The following IL1RAPL1 variants were observed in gnomAD, a reference collection of about 807,000 sequenced individuals.
The protein encoded by IL1RAPL1 is interleukin-1 receptor accessory protein-like 1.
IL1RAPL1 carries 3 observed loss-of-function variants against 48.4 expected under a neutral mutation model. That is an observed-to-expected ratio of 0.06 (90% CI 0.03 to 0.16). IL1RAPL1 has a LOEUF of 0.16. Among genes scored for constraint, IL1RAPL1 ranks in the 10% least tolerant of loss-of-function variants. The pLI is 1.00. For missense variants in IL1RAPL1, 349 were observed against 530.6 expected (o/e 0.66, Z 3.36); for synonymous variants, 185 against 187.7 (o/e 0.99, Z 0.12).
rs747845643 is a variant in IL1RAPL1 at position 29,479,017 on chromosome X, C to A, written c.703+79709C>A. 2.9e-3 allele frequency among the ~76,000 whole-genome samples: 313 copies of A among 109,532 alleles called. 2 individuals carry two copies. Among genetic ancestry groups the A allele is most frequent in the African/African-American group, 0.01 (300 of 29,315 alleles). Reference sequence around the variant, plus strand: ...TAAACTCCTTCATTGACTATAATATCTGAAAGCAGAAGTTTTTTTTTTTCT... The same window carrying A: ...TAAACTCCTTCATTGACTATAATATATGAAAGCAGAAGTTTTTTTTTTTCT... On this transcript the variant is annotated intron_variant, in intron 5 of 10. Transcript: ENST00000378993.
At chrX:29,239,637 C>T (rs966219896) in intron 2 of IL1RAPL1, among the ~76,000 whole-genome samples, 5 of 111,899 alleles carry the variant, frequency 4.5e-5, no homozygotes, top group East Asian at 5.6e-4. Flanking sequence ...ACGTGGCCTG[C>T]GGGCTGCATG....
At chrX:29,119,734 T>C (rs1270047972) in intron 2 of IL1RAPL1, among the ~76,000 whole-genome samples, 1 of 111,197 alleles carries the variant, frequency 9.0e-6, no homozygotes, top group East Asian at 2.8e-4. Flanking sequence ...GCTGATGCTT[T>C]TGTGAGTTTT....
intron 3 of IL1RAPL1, among the ~76,000 whole-genome samples, chrX:29,289,453 A>G (rs1188075775): frequency 8.9e-6 from 1 of 112,105 alleles, no homozygotes; most frequent in Non-Finnish European, 1.9e-5. Flanking sequence ...TGCCAATACC[A>G]AACTGTATTG....
chrX:28,600,597 T>C (rs191175421), intron 1 of IL1RAPL1, among the ~76,000 whole-genome samples: 9 of 110,917 alleles, frequency 8.1e-5, no homozygotes, highest in Middle Eastern at 9.3e-3. Context: ...TTGTTTGGGT[T>C]GTACAGGACC....
chrX:28,752,838 C>CTG (rs1936059248), intron 1 of IL1RAPL1, among the ~76,000 whole-genome samples: 1 of 23,672 alleles, frequency 4.2e-5, no homozygotes. Context: ...TTCAGGCATA[C>CTG]TCTCTATTTT....
At chrX:28,971,466 T>C (rs1925069227) in intron 2 of IL1RAPL1, among the ~76,000 whole-genome samples, 1 of 111,929 alleles carries the variant, frequency 8.9e-6, no homozygotes, top group Non-Finnish European at 1.9e-5. Context: ...TAGCAGATAA[T>C]CTATAAATCC....
In IL1RAPL1 at chrX:29,956,668, T is replaced by C. The variant is rs1933428173; in HGVS notation, c.*848T>C. 1.1e-5 allele frequency: 1 copy of C among 92,032 alleles called. No individual in the cohort carries two copies. The highest frequency in any genetic ancestry group is 2.1e-5 in the Non-Finnish European group (1 of 47,625). 7.6% of individuals were successfully genotyped at this position (92,032 alleles called of 1,213,427 possible). On this transcript the variant is annotated 3_prime_UTR_variant, in exon 11 of 11. Coordinates refer to ENST00000378993, the MANE Select transcript of IL1RAPL1 (RefSeq NM_014271.4). ...TGATGTACCCTTATATATATATACA[T>C]ATATATATAAATATAAATATATATA...
chrX:29,230,609 A>C (rs1270155190), intron 2 of IL1RAPL1, among the ~76,000 whole-genome samples: 1 of 103,004 alleles, frequency 9.7e-6, no homozygotes, highest in Admixed American at 1.1e-4. Flanking sequence ...ACAATCGTTT[A>C]TACTACTGAA....
At chrX:29,651,194 C>T (rs192896359) in intron 5 of IL1RAPL1, among the ~76,000 whole-genome samples, 2 of 110,221 alleles carry the variant, frequency 1.8e-5, no homozygotes, top group Non-Finnish European at 3.8e-5. Flanking sequence ...TTAGTGCAGC[C>T]ATTATGGAGA....
chrX:29,811,177 G>T (rs762916895), intron 6 of IL1RAPL1, among the ~76,000 whole-genome samples: 25 of 110,942 alleles, frequency 2.3e-4, no homozygotes, highest in Non-Finnish European at 3.8e-4. Flanking sequence ...TGGGGTAAGA[G>T]GAACAGAGAG....
rs144865692 is a variant in IL1RAPL1, at chrX:29,073,407, C to G, written c.83-209531C>G. ...GGCTATTTTGCATCCTGTTGCCAGA[C>G]TATTCTTCAGCTCTCTCGCTTTGAT... is the stretch of plus-strand genomic sequence containing the variant. On this transcript the variant is annotated intron_variant, in intron 2 of 10. Coordinates refer to ENST00000378993, the MANE Select transcript of IL1RAPL1 (RefSeq NM_014271.4). Among the ~76,000 whole-genome samples the G allele has an allele frequency of 4.1e-3, 457 of 111,670 alleles. 3 individuals are homozygous for G. Among genetic ancestry groups the G allele is most frequent in the Middle Eastern group, 0.014 (3 of 214 alleles).
intron 1 of IL1RAPL1, among the ~76,000 whole-genome samples, chrX:28,668,281 C>T (rs750669508): frequency 1.3e-3 from 146 of 110,866 alleles, no homozygotes; most frequent in Admixed American, 2.6e-3. Context: ...TTTTTTGAGA[C>T]GGAGTCTCAC....
chrX:29,588,334 C>G (rs12013897), intron 5 of IL1RAPL1, among the ~76,000 whole-genome samples: 24,842 of 111,461 alleles, frequency 0.22, 4,835 homozygotes, highest in African/African-American at 0.64. Context: ...GAATAAGTCA[C>G]AATTATAATG....
intron 2 of IL1RAPL1, among the ~76,000 whole-genome samples, chrX:29,273,455 G>A (rs1220788814): frequency 2.7e-5 from 3 of 111,425 alleles, no homozygotes; most frequent in African/African-American, 9.8e-5. Context: ...GACTTTTACC[G>A]GGCCCCTGCC....
chrX:29,440,322 C>G (rs780116474), intron 5 of IL1RAPL1, among the ~76,000 whole-genome samples: 1 of 111,227 alleles, frequency 9.0e-6, no homozygotes, highest in Non-Finnish European at 1.9e-5. Context: ...ACCATCCTTA[C>G]CTGCATGGAA....
chrX:29,120,734 ATTCT>A (rs1928767183), intron 2 of IL1RAPL1, among the ~76,000 whole-genome samples: 1 of 111,554 alleles, frequency 9.0e-6, no homozygotes, highest in Non-Finnish European at 1.9e-5. Context: ...TTCTTAACTC[ATTCT>A]ATGAGGCCAA....
At chrX:28,961,091 G>A (rs868573685) in intron 2 of IL1RAPL1, among the ~76,000 whole-genome samples, 1 of 101,516 alleles carries the variant, frequency 9.9e-6, no homozygotes, top group Non-Finnish European at 2.0e-5. Flanking sequence ...TGCGAGTAAT[G>A]TAACAAACAG....
At chrX:29,494,239 AT>A (rs747449617) in intron 5 of IL1RAPL1, among the ~76,000 whole-genome samples, 1,320 of 111,356 alleles carry the variant, frequency 0.012, 19 homozygotes, top group African/African-American at 0.041. Context: ...GCAACATTTG[AT>A]TTTTTTGTTC....
intron 8 of IL1RAPL1, among the ~76,000 whole-genome samples, chrX:29,932,550 A>C (rs1932964110): frequency 8.9e-6 from 1 of 112,100 alleles, no homozygotes; most frequent in African/African-American, 3.2e-5. Flanking sequence ...CCAGTGCTCC[A>C]GACCAAACTA....
Sources: gnomAD v4.1 joint callset for allele counts (sites outside exome capture counted in the v4.1 genomes callset) on GRCh38, gnomAD v4.1.1 for gene constraint, MANE v1.5 for transcripts, NCBI Gene and HGNC (gene_info 2026-07-23, HGNC 2026-07-21) for gene names.